The following ELMO1 variants were observed in gnomAD, a reference collection of about 807,000 sequenced individuals.
ELMO1 encodes the protein engulfment and cell motility protein 1.
ELMO1 carries 26 observed loss-of-function variants against 98.9 expected under a neutral mutation model. The ratio of observed to expected loss-of-function variants is 0.26; its 90% confidence interval spans 0.19 to 0.36. ELMO1 has a LOEUF of 0.36. ELMO1 is among the 10% of genes least tolerant of loss of function. The pLI is 1.00. For missense variants in ELMO1, 627 were observed against 935.2 expected, an observed-to-expected ratio of 0.67 and a Z score of 4.30; for synonymous variants, 346 against 346.0, an observed-to-expected ratio of 1.00 and a Z score of 0.00.
chr7:37,312,368 T>C (rs1218733064), intron 4 of ELMO1, among the ~76,000 whole-genome samples: 2 of 152,212 alleles, frequency 1.3e-5, no homozygotes, highest in Non-Finnish European at 2.9e-5. Context: ...GGATTACAGA[T>C]GTGAACCACG....
At chr7:37,188,535 C>T (rs1226080891) in intron 13 of ELMO1, among the ~76,000 whole-genome samples, 2 of 124,318 alleles carry the variant, frequency 1.6e-5, no homozygotes, top group Non-Finnish European at 3.5e-5. Flanking sequence ...TAACTAAGAG[C>T]AAGAGAAGAC....
At chr7:37,053,781 A>G (rs575106610) in intron 15 of ELMO1, among the ~76,000 whole-genome samples, 1 of 152,292 alleles carries the variant, frequency 6.6e-6, no homozygotes, top group African/African-American at 2.4e-5. Context: ...GTTATTGATC[A>G]AAGTCTCCTC....
chr7:37,309,682 G>A (rs1238368324), intron 4 of ELMO1, among the ~76,000 whole-genome samples: 2 of 152,160 alleles, frequency 1.3e-5, no homozygotes, highest in Non-Finnish European at 2.9e-5. Flanking sequence ...TTTGATTGAG[G>A]GTAACAAAGA....
chr7:36,994,092 A>G (rs149954142), intron 16 of ELMO1, among the ~76,000 whole-genome samples: 26 of 152,352 alleles, frequency 1.7e-4, no homozygotes, highest in African/African-American at 6.0e-4. Flanking sequence ...GAGATAATGC[A>G]ATTTAACATG....
chr7:37,114,058 G>A (rs1785412264), intron 14 of ELMO1, among the ~76,000 whole-genome samples: 1 of 152,244 alleles, frequency 6.6e-6, no homozygotes, highest in Non-Finnish European at 1.5e-5. Flanking sequence ...AAGGACGTAA[G>A]GCTGGAAAGC....
At chr7:37,297,859 C>T (rs1049641359) in intron 4 of ELMO1, among the ~76,000 whole-genome samples, 5 of 152,166 alleles carry the variant, frequency 3.3e-5, no homozygotes, top group Non-Finnish European at 7.3e-5. Context: ...ATGATGGCTG[C>T]TATATATTAA....
chr7:37,129,753 T>C (rs574359483), intron 14 of ELMO1, among the ~76,000 whole-genome samples: 7 of 152,366 alleles, frequency 4.6e-5, no homozygotes, highest in Admixed American at 3.9e-4. Flanking sequence ...ATTGGTTTTC[T>C]AGCGGGACAG....
At chr7:37,152,730 C>T (rs986626174) in intron 13 of ELMO1, among the ~76,000 whole-genome samples, 2 of 152,066 alleles carry the variant, frequency 1.3e-5, no homozygotes, top group African/African-American at 4.8e-5. Flanking sequence ...GGAGAAAAGG[C>T]TCTGGTTTAA....
chr7:37,438,204 GT>G (rs1805230885), intron 1 of ELMO1, among the ~76,000 whole-genome samples: 1 of 152,066 alleles, frequency 6.6e-6, no homozygotes, highest in Non-Finnish European at 1.5e-5. Flanking sequence ...TTTAGGAGCA[GT>G]TACCTAGGTC....
intron 4 of ELMO1, among the ~76,000 whole-genome samples, chr7:37,298,048 G>A (rs1053222518): frequency 3.9e-5 from 6 of 152,004 alleles, no homozygotes; most frequent in African/African-American, 1.4e-4. Flanking sequence ...CCTAATCTGT[G>A]TAAATGTTTT....
intron 15 of ELMO1, among the ~76,000 whole-genome samples, chr7:37,017,679 C>T (rs1430851123): frequency 6.6e-6 from 1 of 152,138 alleles, no homozygotes; most frequent in Non-Finnish European, 1.5e-5. Flanking sequence ...ATACCCTAGA[C>T]AGTTAGTAGG....
chr7:36,878,476 G>GA lies in ELMO1; in HGVS notation c.1715-360dup, dbSNP rs143275778. ...CTGACAAAAGAGGGAGGGAGATATA[G>GA]AAAAAAAAACAGATTTCTCAGAATG... On this transcript the variant is annotated intron_variant, in intron 18 of 21. Transcript: ENST00000310758. Among the ~76,000 whole-genome samples the GA allele has an allele frequency of 6.0e-4, 90 of 150,066 alleles. No homozygotes were observed. In the East Asian group the frequency reaches 9.9e-3, roughly 17 times the overall value.
chr7:36,870,702 T>C lies in ELMO1; in HGVS notation c.1823-227A>G, dbSNP rs189174262. Reference sequence around the variant, plus strand: ...AAAGCATCCCTGGAGAGAAAGAGCTTGCTTGTAAGCAGAATTTGGTTCAGT... The same window carrying C: ...AAAGCATCCCTGGAGAGAAAGAGCTCGCTTGTAAGCAGAATTTGGTTCAGT... On this transcript the variant is annotated intron_variant, in intron 19 of 21. Transcript: ENST00000310758. This position sits in a 1 kb window ranked among gnomAD's most constrained non-coding sequence, Gnocchi z 4.4. Among the ~76,000 whole-genome samples the C allele has an allele frequency of 6.6e-5, 10 of 152,320 alleles. No individual in the cohort carries two copies. The East Asian group carries it at 1.7e-3, about 26-fold the overall frequency.
rs186934845 is a variant in ELMO1, at chr7:37,149,461, T to G, written c.1087-16227A>C. On this transcript the variant is annotated intron_variant, in intron 13 of 21. Coordinates refer to ENST00000310758, the MANE Select transcript of ELMO1 (RefSeq NM_014800.11). ...GTACAGTTGAGAGTCTAAAATGTTTTTTCTTTTACATTTTTAAATAGTTTT... is the reference window on the plus strand; with the variant it reads ...GTACAGTTGAGAGTCTAAAATGTTTGTTCTTTTACATTTTTAAATAGTTTT... Among the ~76,000 whole-genome samples the G allele has an allele frequency of 4.5e-3, 691 of 152,212 alleles. 1 individual carries two copies. The highest frequency in any genetic ancestry group is 0.016 in the African/African-American group (659 of 41,516).
At chr7:37,388,341 C>T (rs894174502) in intron 1 of ELMO1, among the ~76,000 whole-genome samples, 2 of 151,842 alleles carry the variant, frequency 1.3e-5, no homozygotes, top group Non-Finnish European at 2.9e-5. Flanking sequence ...CTTACCAAGA[C>T]CAAAATACTG....
rs766499829 is a variant in ELMO1 at position 37,013,391 on chromosome 7, C to T, written c.1345G>A (p.Asp449Asn). 1.7e-5 allele frequency: 27 copies of T among 1,613,880 alleles called. No individual in the cohort carries two copies. The highest frequency in any genetic ancestry group is 2.2e-5 in the East Asian group (1 of 44,842). The change falls in exon 16 of 22, where the codon GAC (aspartate) becomes AAC (asparagine). Residue 449 changes from aspartate (D) to asparagine (N), a missense_variant. Asp to Asn is a conservative substitution (Grantham distance 23, BLOSUM62 1). Coordinates refer to ENST00000310758, the MANE Select transcript of ELMO1 (RefSeq NM_014800.11). Reference protein sequence around the residue: ...NDFHPMFFTHDRSFEEFFCIC... With the variant: ...NDFHPMFFTHNRSFEEFFCIC... ...CAGAAAAACTCCTCAAAGGATCTGT[C>T]GTGGGTGAAGAACATCGGGTGGAAG...
chr7:37,315,779 T>G (rs571759300), intron 3 of ELMO1, 141 bp downstream of exon 3: 1 of 771,470 alleles, frequency 1.3e-6, no homozygotes, highest in Admixed American at 2.5e-5. Context: ...GGTGTGATAT[T>G]CCTACACAGT....
At chr7:37,091,952 C>T (rs1784118096) in intron 15 of ELMO1, among the ~76,000 whole-genome samples, 1 of 152,082 alleles carries the variant, frequency 6.6e-6, no homozygotes, top group Non-Finnish European at 1.5e-5. Context: ...CCACTGGGTC[C>T]CTCCTATAAC....
intron 1 of ELMO1, among the ~76,000 whole-genome samples, chr7:37,425,016 G>A (rs529437984): frequency 4.6e-5 from 7 of 152,196 alleles, no homozygotes; most frequent in African/African-American, 1.7e-4. Context: ...AGATGAAAAA[G>A]GCAAGCCCTC....
Sources: allele counts gnomAD v4.1 joint callset (sites outside exome capture counted in the v4.1 genomes callset), GRCh38; gene constraint gnomAD v4.1.1; non-coding constraint Gnocchi (gnomAD v3.1); transcripts MANE v1.5; gene names NCBI Gene and HGNC (gene_info 2026-07-23, HGNC 2026-07-21).